Variants in PPARGC1A observed in about 807,000 individuals in gnomAD.
PPARGC1A encodes peroxisome proliferator-activated receptor gamma coactivator 1-alpha.
Under a neutral mutation model 88.7 loss-of-function variants are expected in PPARGC1A, and 25 were observed. The ratio of observed to expected loss-of-function variants is 0.28; its 90% CI spans 0.21 to 0.39. PPARGC1A has a LOEUF of 0.39. PPARGC1A is among the 10% of genes least tolerant of loss of function. The pLI, the probability that PPARGC1A is intolerant of heterozygous loss-of-function variation, is 1.00. For synonymous variants in PPARGC1A, 363 were observed against 355.6 expected (o/e 1.02, Z -0.24); for missense variants, 880 against 968.7 (o/e 0.91, Z 1.22).
the PPARGC1A span, among the ~76,000 whole-genome samples, chr4:24,432,537 C>T: frequency 9.2e-5 from 14 of 152,164 alleles, no homozygotes; most frequent in African/African-American, 2.4e-4. Context: ...ATGCATAGAG[C>T]GCCAGAGCAG....
At chr4:24,209,951 C>T in the PPARGC1A span, among the ~76,000 whole-genome samples, 1 of 152,192 alleles carries the variant, frequency 6.6e-6, no homozygotes, top group East Asian at 1.9e-4. Flanking sequence ...ATCAAATCCC[C>T]AACTTAGCTT....
the PPARGC1A span, among the ~76,000 whole-genome samples, chr4:24,127,550 C>A: frequency 6.6e-6 from 1 of 151,770 alleles, no homozygotes; most frequent in Non-Finnish European, 1.5e-5. Context: ...CACACACACA[C>A]GTGCGCGCGT....
chr4:23,955,075 A>C, the PPARGC1A span, among the ~76,000 whole-genome samples: 1 of 152,112 alleles, frequency 6.6e-6, no homozygotes. Flanking sequence ...GTTATACTTC[A>C]ATTGAAGAGA....
chr4:24,158,959 C>T, the PPARGC1A span, among the ~76,000 whole-genome samples: 2 of 152,206 alleles, frequency 1.3e-5, no homozygotes, highest in East Asian at 3.9e-4. Context: ...TATCTTACAA[C>T]TGATAACAGC....
chr4:24,387,780 G>C, the PPARGC1A span, among the ~76,000 whole-genome samples: 1 of 73,222 alleles, frequency 1.4e-5, no homozygotes, highest in African/African-American at 4.6e-5. Flanking sequence ...AAGAAAGAAA[G>C]AAAGAAAGAA....
chr4:24,337,741 G>T, the PPARGC1A span, among the ~76,000 whole-genome samples: 1 of 148,988 alleles, frequency 6.7e-6, no homozygotes, highest in Admixed American at 6.7e-5. Context: ...ACTTGTCCCA[G>T]ATCACACAGC....
At chr4:24,424,643 C>T in the PPARGC1A span, among the ~76,000 whole-genome samples, 1 of 152,274 alleles carries the variant, frequency 6.6e-6, no homozygotes, top group South Asian at 2.1e-4. Context: ...CCAGAAGGAA[C>T]TATGTACTTT....
the PPARGC1A span, among the ~76,000 whole-genome samples, chr4:24,244,311 TATA>T: frequency 6.6e-6 from 1 of 152,218 alleles, no homozygotes; most frequent in Admixed American, 6.5e-5. Context: ...AGTTGACAAT[TATA>T]ATATTTCATA....
At chr4:23,939,154 T>C in the PPARGC1A span, among the ~76,000 whole-genome samples, 1 of 152,180 alleles carries the variant, frequency 6.6e-6, no homozygotes, top group Admixed American at 6.5e-5. Context: ...AGAACATGAC[T>C]ACATCTTATT....
At chr4:24,377,247 A>C in the PPARGC1A span, among the ~76,000 whole-genome samples, 1,019 of 152,258 alleles carry the variant, frequency 6.7e-3, 12 homozygotes, top group Admixed American at 0.013. Context: ...GAGTATGCCT[A>C]GGCTTAAATA....
At chr4:24,402,615 A>C in the PPARGC1A span, among the ~76,000 whole-genome samples, 1 of 152,232 alleles carries the variant, frequency 6.6e-6, no homozygotes, top group Non-Finnish European at 1.5e-5. Flanking sequence ...AGTTTGTCCT[A>C]AGACAGTACA....
At chr4:24,227,858 T>C in the PPARGC1A span, among the ~76,000 whole-genome samples, 1 of 152,176 alleles carries the variant, frequency 6.6e-6, no homozygotes, top group Admixed American at 6.5e-5. Flanking sequence ...AAAATGGTGA[T>C]GAGAGGCAAA....
the PPARGC1A span, among the ~76,000 whole-genome samples, chr4:24,321,747 A>T: frequency 6.6e-6 from 1 of 152,350 alleles, no homozygotes; most frequent in East Asian, 1.9e-4. Flanking sequence ...GCTATTCTTT[A>T]GCTCTGCAAA....
the PPARGC1A span, among the ~76,000 whole-genome samples, chr4:24,260,161 C>T: frequency 6.6e-6 from 1 of 152,364 alleles, no homozygotes; most frequent in Middle Eastern, 3.4e-3. Flanking sequence ...ATAAGCTTCT[C>T]TCAAAGGTAG....
intron 10 of PPARGC1A, among the ~76,000 whole-genome samples, chr4:23,810,824 G>C (rs1373389542): frequency 2.0e-5 from 3 of 152,102 alleles, no homozygotes; most frequent in Non-Finnish European, 2.9e-5. Context: ...ATTTTCTTTT[G>C]TAATGATTAT....
chr4:24,200,356 C>CA, the PPARGC1A span, among the ~76,000 whole-genome samples: 1 of 151,748 alleles, frequency 6.6e-6, no homozygotes, highest in East Asian at 1.9e-4. Context: ...ACTAGAAATA[C>CA]AAAAATTAGC....
chr4:24,390,716 A>T, the PPARGC1A span, among the ~76,000 whole-genome samples: 1 of 151,998 alleles, frequency 6.6e-6, no homozygotes, highest in Non-Finnish European at 1.5e-5. Context: ...TTCCCAGGTT[A>T]CGAAGTATTG....
At chr4:24,057,689 C>A in the PPARGC1A span, among the ~76,000 whole-genome samples, 36 of 152,092 alleles carry the variant, frequency 2.4e-4, no homozygotes, top group Non-Finnish European at 1.9e-4. Flanking sequence ...AGGCTGGCTT[C>A]CTGAGAGGAA....
chr4:23,815,994 C>T (rs914355285), intron 7 of PPARGC1A, among the ~76,000 whole-genome samples: 10 of 152,260 alleles, frequency 6.6e-5, no homozygotes, highest in Non-Finnish European at 5.9e-5. Context: ...AAGATGCTGC[C>T]TCACTCTCCT....
Sources: allele counts gnomAD v4.1 joint callset (sites outside exome capture counted in the v4.1 genomes callset), GRCh38; gene constraint gnomAD v4.1.1; transcripts MANE v1.5; gene names NCBI Gene and HGNC (gene_info 2026-07-23, HGNC 2026-07-21).